The following BARD1 variants were observed in gnomAD, a reference collection of about 807,000 sequenced individuals.
BARD1 encodes the protein BRCA1 associated RING domain 1.
Under a neutral mutation model 77.0 loss-of-function variants are expected in BARD1, and 73 were observed. The ratio of observed to expected loss-of-function variants is 0.95; its 90% CI spans 0.79 to 1.15. The LOEUF is 1.15. BARD1 is among the 50% of genes most tolerant of loss of function. The pLI is 0.00. For synonymous variants in BARD1, 384 were observed against 338.0 expected (o/e 1.14, Z -1.49); for missense variants, 993 against 938.8 (o/e 1.06, Z -0.75).
rs1034992073 is a variant in BARD1 at position 214,776,163 on chromosome 2, T to C, written c.1314+4397A>G. Among the ~76,000 whole-genome samples the C allele has an allele frequency of 2.6e-5, 4 of 152,254 alleles. No individual in the cohort carries two copies. The East Asian group carries it at 5.8e-4, about 22-fold the overall frequency. On this transcript the variant is annotated intron_variant, in intron 4 of 10. Coordinates refer to ENST00000260947, the MANE Select transcript of BARD1 (RefSeq NM_000465.4). ...CATTCTTCTATTCCACAGTAAGTCA[T>C]TGCTGTGGCATAAATTATGAGTAGT...
chr2:214,756,888 C>T (rs549481817), intron 6 of BARD1, among the ~76,000 whole-genome samples: 2 of 152,130 alleles, frequency 1.3e-5, no homozygotes, highest in Admixed American at 6.5e-5. Context: ...GTGTACTGCT[C>T]GGGTGATGGG....
intron 1 of BARD1, among the ~76,000 whole-genome samples, chr2:214,805,617 TAA>T (rs1696233058): frequency 6.6e-6 from 1 of 152,038 alleles, no homozygotes; most frequent in African/African-American, 2.4e-5. Context: ...AAAGGAAGCA[TAA>T]AAAGATAAAA....
At chr2:214,806,048 T>C (rs750844943) in intron 1 of BARD1, among the ~76,000 whole-genome samples, 3 of 152,216 alleles carry the variant, frequency 2.0e-5, no homozygotes, top group Non-Finnish European at 2.9e-5. Flanking sequence ...TGTCTCATTT[T>C]TCCAAATCCT....
chr2:214,751,147 A>AT (rs1693425047), intron 7 of BARD1, among the ~76,000 whole-genome samples: 1 of 21,196 alleles, frequency 4.7e-5, no homozygotes, highest in Non-Finnish European at 1.0e-4. Flanking sequence ...ATATATATAT[A>AT]TATATTTTTT....
intron 1 of BARD1, among the ~76,000 whole-genome samples, chr2:214,802,581 G>A (rs192091540): frequency 0.012 from 1,789 of 151,998 alleles, 36 homozygotes; most frequent in African/African-American, 0.04. Context: ...CATTTTTTCT[G>A]AGCTCCCCAA....
intron 6 of BARD1, among the ~76,000 whole-genome samples, chr2:214,754,479 C>G (rs1693604195): frequency 6.6e-6 from 1 of 151,926 alleles, no homozygotes; most frequent in South Asian, 2.1e-4. Flanking sequence ...AACTGAATCA[C>G]ATTAGCATAG....
At position 214,745,831 on chromosome 2, in the gene BARD1, A is replaced by G. The variant is rs1191401261; in HGVS notation, c.1701T>C (p.Asp567=). Residue 567 remains aspartate (D), a synonymous_variant, in exon 8 of 11, where the codon GAT becomes GAC. Coordinates refer to ENST00000260947, the MANE Select transcript of BARD1 (RefSeq NM_000465.4). ...CACTGCCTATAAGTACAAGAGGTCCATCCCTACGCTGCCCAGTGTTCATCT... is the reference window on the plus strand; with the variant it reads ...CACTGCCTATAAGTACAAGAGGTCCGTCCCTACGCTGCCCAGTGTTCATCT... The part of the protein sequence containing the change: ...CSVMNTGQRR[D]GPLVLIGSGL... 2 of 1,614,090 alleles carry G rather than the reference A, an allele frequency of 1.2e-6. No homozygotes were observed. The highest frequency in any genetic ancestry group is 2.7e-5 in the African/African-American group (2 of 75,054).
chr2:214,752,369 G>C, intron 7 of BARD1, 78 bp downstream of exon 7: 6 of 1,270,836 alleles, frequency 4.7e-6, no homozygotes, highest in Non-Finnish European at 6.8e-6. Flanking sequence ...TGGTCAAATG[G>C]AAATTTTTCT....
In BARD1 at chr2:214,772,505, G is replaced by A. The variant is rs184504515; in HGVS notation, c.1315-3193C>T. Among the ~76,000 whole-genome samples, 4 of 152,208 alleles carry A rather than the reference G, an allele frequency of 2.6e-5. No individual in the cohort carries two copies. The East Asian group carries it at 7.7e-4, about 29-fold the overall frequency. ...ATAATATAAACACAATTGTGAAATGGAAGAGTCTCAAGGGAATAGTCAAAC... is the reference window on the plus strand; with the variant it reads ...ATAATATAAACACAATTGTGAAATGAAAGAGTCTCAAGGGAATAGTCAAAC... On this transcript the variant is annotated intron_variant, in intron 4 of 10. Transcript: ENST00000260947.
At chr2:214,805,109 C>T (rs995159813) in intron 1 of BARD1, among the ~76,000 whole-genome samples, 4 of 151,716 alleles carry the variant, frequency 2.6e-5, no homozygotes, top group African/African-American at 9.7e-5. Context: ...TGCAGTGAGC[C>T]GAGATCACAC....
At chr2:214,782,538 A>T (rs2106114926) in intron 3 of BARD1, among the ~76,000 whole-genome samples, 1 of 152,096 alleles carries the variant, frequency 6.6e-6, no homozygotes, top group African/African-American at 2.4e-5. Context: ...TCAAGAATTA[A>T]AACACAAAGA....
chr2:214,788,681 G>C (rs1265863881), intron 3 of BARD1, among the ~76,000 whole-genome samples: 1 of 152,012 alleles, frequency 6.6e-6, no homozygotes, highest in Non-Finnish European at 1.5e-5. Flanking sequence ...CCATTTAACA[G>C]AATCATACAA....
Position 214,809,591 on chromosome 2 carries a change from G to C in BARD1, c.-22C>G, listed in dbSNP as rs1696480875. ...GCATCGTCCCGCCTTCGGATGAAAG[G>C]CTCCTCGCAGAGCGGGAAGCAAGGA... On this transcript the variant is annotated 5_prime_UTR_variant, in exon 1 of 11. Transcript: ENST00000260947. 5 of 1,534,118 alleles carry C rather than the reference G, an allele frequency of 3.3e-6. No individual in the cohort carries two copies. Among genetic ancestry groups the C allele is most frequent in the Non-Finnish European group, 4.4e-6 (5 of 1,143,294 alleles).
chr2:214,737,557 C>A (rs962576268), intron 9 of BARD1, among the ~76,000 whole-genome samples: 2 of 152,066 alleles, frequency 1.3e-5, no homozygotes, highest in African/African-American at 4.8e-5. Flanking sequence ...GGAGACAATA[C>A]CACAGTTACA....
chr2:214,781,825 G>A (rs1360440283), intron 3 of BARD1, among the ~76,000 whole-genome samples: 1 of 152,014 alleles, frequency 6.6e-6, no homozygotes, highest in Non-Finnish European at 1.5e-5. Flanking sequence ...TGTTTGCTAA[G>A]AATTACAAAA....
intron 9 of BARD1, among the ~76,000 whole-genome samples, chr2:214,740,944 T>C (rs919382297): frequency 6.6e-6 from 1 of 152,092 alleles, no homozygotes; most frequent in Admixed American, 6.6e-5. Context: ...AGAATAAAAG[T>C]TGCATTTAAT....
intron 6 of BARD1, among the ~76,000 whole-genome samples, chr2:214,764,987 C>T (rs1247973196): frequency 6.6e-6 from 1 of 152,170 alleles, no homozygotes; most frequent in African/African-American, 2.4e-5. Flanking sequence ...ATATCAATCC[C>T]AACCTCTTGG....
chr2:214,758,632 A>G (rs1391359221), intron 6 of BARD1, among the ~76,000 whole-genome samples: 4 of 152,210 alleles, frequency 2.6e-5, no homozygotes, highest in South Asian at 4.1e-4. Flanking sequence ...TATGAACCAC[A>G]TAACTCTGAA....
intron 3 of BARD1, among the ~76,000 whole-genome samples, chr2:214,788,057 T>A (rs1205663859): frequency 1.3e-5 from 2 of 152,040 alleles, no homozygotes; most frequent in Non-Finnish European, 2.9e-5. Context: ...CAAACATTCA[T>A]CTTCCTCTAT....
Sources: gnomAD v4.1 joint callset for allele counts (sites outside exome capture counted in the v4.1 genomes callset) on GRCh38, gnomAD v4.1.1 for gene constraint, MANE v1.5 for transcripts, NCBI Gene and HGNC (gene_info 2026-07-23, HGNC 2026-07-21) for gene names.